LAMC3: variants seen among roughly 807,000 people sequenced by gnomAD.
LAMC3 encodes the protein laminin subunit gamma-3.
LAMC3 carries 128 observed loss-of-function variants against 173.8 expected under a neutral mutation model. The observed-to-expected ratio is 0.74, with a 90% confidence interval of 0.64 to 0.85. The LOEUF (loss-of-function observed/expected upper bound fraction) is 0.85, where lower values mean the gene tolerates loss of function less well. Ranked by LOEUF, LAMC3 falls within the 40% of genes least tolerant of loss-of-function variation. The pLI, the probability that LAMC3 is intolerant of heterozygous loss-of-function variation, is 0.00. For missense variants in LAMC3, 2,022 were observed against 2,156.0 expected, an observed-to-expected ratio of 0.94 and a Z score of 1.23; for synonymous variants, 897 against 909.1, an observed-to-expected ratio of 0.99 and a Z score of 0.24.
chr9:131,018,216 C>T (rs1335851159), intron 1 of LAMC3, among the ~76,000 whole-genome samples: 1 of 150,464 alleles, frequency 6.6e-6, no homozygotes, highest in Non-Finnish European at 1.5e-5. Context: ...CTCACTGCAA[C>T]CTCTGCCTCC....
chr9:131,073,277 C>T lies in LAMC3; in HGVS notation c.3450C>T (p.Thr1150=). 1.9e-6 allele frequency: 3 copies of T among 1,613,782 alleles called. No homozygotes were observed. The South Asian group carries it at 3.3e-5, about 18-fold the overall frequency. Residue 1150 remains threonine (T), a synonymous_variant, in exon 20 of 28, where the codon ACC becomes ACT. Coordinates refer to ENST00000361069, the MANE Select transcript of LAMC3 (RefSeq NM_006059.4). ...CTCAGGAAGGTCCCAGTCAGCCGACCAAATGGAGCCACCTGGCCACAGAGG... is the reference window on the plus strand; with the variant it reads ...CTCAGGAAGGTCCCAGTCAGCCGACTAAATGGAGCCACCTGGCCACAGAGG... ...EIPQEGPSQP[T]KWSHLATEAR...
At position 131,072,683 on chromosome 9, in the gene LAMC3, G is replaced by A. The variant is rs1379630176; in HGVS notation, c.3265G>A (p.Ala1089Thr). 6.2e-6 allele frequency: 10 copies of A among 1,611,720 alleles called. No homozygotes were observed. Among genetic ancestry groups the A allele is most frequent in the Admixed American group, 1.7e-5 (1 of 59,956 alleles). The change falls in exon 19 of 28, where the codon GCC becomes ACC. Residue 1089 changes from alanine (A) to threonine (T), a missense_variant. Transcript: ENST00000361069. ...GATGAGCCTCGAGGGTGCTGTCAAGGCCGCCCGGGAGCAGCTGCAGAGGCT... is the reference window on the plus strand; with the variant it reads ...GATGAGCCTCGAGGGTGCTGTCAAGACCGCCCGGGAGCAGCTGCAGAGGCT... ...QMMSLEGAVK[A>T]AREQLQRLNK...
chr9:131,076,702 T>C (rs1277695689), intron 21 of LAMC3, among the ~76,000 whole-genome samples: 1 of 152,088 alleles, frequency 6.6e-6, no homozygotes, highest in Admixed American at 6.6e-5. Context: ...TGATTGGTTA[T>C]AGACCACAGG....
chr9:131,033,494 G>A (rs999024264), intron 3 of LAMC3, among the ~76,000 whole-genome samples: 5 of 152,104 alleles, frequency 3.3e-5, no homozygotes, highest in African/African-American at 7.2e-5. Flanking sequence ...GACGGCCAAC[G>A]TGGCTGGGTG....
chr9:131,009,329 T>A lies in LAMC3; in HGVS notation c.115T>A (p.Phe39Ile). ...AGRPQRCLPV[F>I]ENAAFGRLAQ... The stretch of plus-strand genomic sequence containing the variant: ...GCGCCCGCAGCGCTGCCTGCCGGTG[T>A]TCGAGAACGCGGCGTTTGGGCGGCT... The change falls in exon 1 of 28, where the codon TTC becomes ATC. Residue 39 changes from phenylalanine to isoleucine, a missense_variant. Transcript: ENST00000361069. This position sits in a 1 kb window ranked among gnomAD's most constrained non-coding sequence, Gnocchi z 4.3. 4.0e-6 allele frequency: 6 copies of A among 1,486,848 alleles called. No individual in the cohort carries two copies. Among genetic ancestry groups the A allele is most frequent in the Non-Finnish European group, 4.4e-6 (5 of 1,125,622 alleles). 92.1% of individuals were successfully genotyped at this position (1,486,848 alleles called of 1,614,324 possible). A position where few individuals can be genotyped will look rare whatever the true frequency, so the allele number is the denominator to read the frequency against.
rs751234637 is a variant in LAMC3, at chr9:131,068,873, G to A, written c.2748-35G>A. On this transcript the variant is annotated intron_variant, in intron 15 of 27. Transcript: ENST00000361069. ...GAGGCTGGGCCAGGAGTGGCCCTGA[G>A]CTTGCCTCAGACCCAGTTCCTTCCC... The A allele has an allele frequency of 5.6e-6, 9 of 1,613,242 alleles. No homozygotes were observed. In the Admixed American group the frequency reaches 1.5e-4, roughly 27 times the overall value.
chr9:131,033,432 TG>T (rs1320652811), intron 3 of LAMC3, among the ~76,000 whole-genome samples: 2 of 151,742 alleles, frequency 1.3e-5, no homozygotes, highest in Non-Finnish European at 2.9e-5. Flanking sequence ...GGACAGGAGC[TG>T]GTGCTGCAGA....
At chr9:131,028,237 A>G (rs1833763481) in intron 2 of LAMC3, among the ~76,000 whole-genome samples, 1 of 152,098 alleles carries the variant, frequency 6.6e-6, no homozygotes, top group African/African-American at 2.4e-5. Flanking sequence ...GAACAGTTTC[A>G]TCCCAAACCA....
intron 1 of LAMC3, among the ~76,000 whole-genome samples, chr9:131,012,361 G>T (rs974853566): frequency 2.0e-5 from 3 of 152,214 alleles, no homozygotes; most frequent in Admixed American, 2.0e-4. Context: ...GTACCGTACG[G>T]ATAAGAGTCG....
At chr9:131,077,668 C>T (rs1193763106) in intron 22 of LAMC3, among the ~76,000 whole-genome samples, 1 of 88,794 alleles carries the variant, frequency 1.1e-5, no homozygotes, top group Non-Finnish European at 1.9e-5. Flanking sequence ...CAGAGCAAGA[C>T]TCCATCTCAA....
Position 131,009,717 on chromosome 9 carries a change from G to A in LAMC3, c.373+130G>A, listed in dbSNP as rs1380032340. The A allele has an allele frequency of 3.8e-5, 44 of 1,153,410 alleles. No homozygotes were observed. The highest frequency in any genetic ancestry group is 1.6e-5 in the African/African-American group (1 of 63,228). The allele number at this position is 1,153,410 out of a possible 1,614,324, so 71.4% of individuals were successfully genotyped here. ...CCCAGATATGGTGTTGGATGGAGGG[G>A]CTCAGAAATAGGAATTAGGCTGGGT... On this transcript the variant is annotated intron_variant, in intron 1 of 27. Coordinates refer to ENST00000361069, the MANE Select transcript of LAMC3 (RefSeq NM_006059.4). The surrounding 1 kb of genome is among the most constrained non-coding windows in gnomAD (Gnocchi z 4.3).
chr9:131,035,442 G>C (rs898263948), intron 3 of LAMC3, among the ~76,000 whole-genome samples: 1 of 152,060 alleles, frequency 6.6e-6, no homozygotes, highest in African/African-American at 2.4e-5. Flanking sequence ...TGGGGCTGAC[G>C]GGTGGGTGCC....
chr9:131,030,834 G>A (rs538097465), intron 2 of LAMC3, among the ~76,000 whole-genome samples: 1 of 152,364 alleles, frequency 6.6e-6, no homozygotes, highest in East Asian at 1.9e-4. Flanking sequence ...CGGCCCAGCA[G>A]CATCAGTACC....
At chr9:131,056,844 C>T in intron 11 of LAMC3, 85 bp from the exon 12 acceptor site, 1 of 1,000,742 alleles carries the variant, frequency 1.0e-6, no homozygotes. Context: ...GGGCCTGGTC[C>T]ATATGTGAAC....
chr9:131,068,274 G>A (rs1284784739), intron 15 of LAMC3, 43 bp downstream of exon 15: 1 of 1,584,934 alleles, frequency 6.3e-7, no homozygotes, highest in Non-Finnish European at 8.6e-7. Flanking sequence ...ACCTCTCCAG[G>A]AGGGAAGAAG....
intron 24 of LAMC3, among the ~76,000 whole-genome samples, 177 bp from the exon 25 acceptor site, chr9:131,085,343 CGCTT>C (rs1830310480): frequency 6.6e-6 from 1 of 152,186 alleles, no homozygotes; most frequent in South Asian, 2.1e-4. Context: ...GTCTGTGTCT[CGCTT>C]GCTTTTGTTT....
At chr9:131,073,944 C>CTT (rs57877574) in intron 20 of LAMC3, among the ~76,000 whole-genome samples, 42 of 90,812 alleles carry the variant, frequency 4.6e-4, no homozygotes, top group South Asian at 1.2e-3. Flanking sequence ...CTTTTCTTTT[C>CTT]TTTTTTTTTT....
rs780546457 is a variant in LAMC3, at chr9:131,069,709, G to T, written c.2928G>T (p.Gln976His). 1 of 1,604,612 alleles carries T rather than the reference G, an allele frequency of 6.2e-7. No homozygotes were observed. The highest frequency in any genetic ancestry group is 8.5e-7 in the Non-Finnish European group (1 of 1,176,802). Reference protein sequence around the residue: ...RCSPLGAASAQCHENGTCVCR... With the variant: ...RCSPLGAASAHCHENGTCVCR... ...CCCCACTGGGCGCTGCCTCGGCCCA[G>T]TGCCACGAGAACGGCACATGCGTGT... Residue 976 changes from glutamine to histidine, a missense_variant, in exon 17 of 28, where the codon CAG (glutamine) becomes CAT (histidine). By Grantham distance (24) the Gln-to-His change is conservative (BLOSUM62 0). Transcript: ENST00000361069.
intron 14 of LAMC3, among the ~76,000 whole-genome samples, chr9:131,067,785 T>G (rs1829965361): frequency 6.6e-6 from 1 of 151,870 alleles, no homozygotes; most frequent in Non-Finnish European, 1.5e-5. Context: ...GGGCTGTGCC[T>G]GTGACCCTCG....
Sources: allele counts gnomAD v4.1 joint callset (sites outside exome capture counted in the v4.1 genomes callset), GRCh38; gene constraint gnomAD v4.1.1; non-coding constraint Gnocchi (gnomAD v3.1); transcripts MANE v1.5; gene names NCBI Gene and HGNC (gene_info 2026-07-23, HGNC 2026-07-21).